Variants in EGF observed in about 807,000 individuals in gnomAD.
EGF encodes the protein epidermal growth factor, also known as pro-epidermal growth factor.
In EGF, 95 loss-of-function variants were observed where a neutral mutation model predicts 143.8. That is an observed-to-expected ratio of 0.66 (90% CI 0.56 to 0.78). The LOEUF (loss-of-function observed/expected upper bound fraction) is 0.78, where lower values mean the gene tolerates loss of function less well. Among genes scored for constraint, EGF ranks in the 30% least tolerant of loss-of-function variants. EGF has a pLI of 0.00. For missense variants in EGF, 1,320 were observed against 1,470.9 expected, an observed-to-expected ratio of 0.90 and a Z score of 1.68; for synonymous variants, 510 against 510.5, an observed-to-expected ratio of 1.00 and a Z score of 0.01.
At chr4:109,934,782 C>T (rs559011390) in intron 1 of EGF, among the ~76,000 whole-genome samples, 2 of 152,252 alleles carry the variant, frequency 1.3e-5, no homozygotes, top group South Asian at 2.1e-4. Flanking sequence ...CTCCATATGT[C>T]TAGCCAGTTT....
At chr4:109,997,225 C>T (rs991115887) in intron 20 of EGF, among the ~76,000 whole-genome samples, 2 of 151,982 alleles carry the variant, frequency 1.3e-5, no homozygotes, top group Non-Finnish European at 2.9e-5. Context: ...TTAATTGATC[C>T]GGGTGGTGTC....
rs1254870406 is a variant in EGF at position 109,943,767 on chromosome 4, T to C, written c.510-75T>C. On this transcript the variant is annotated intron_variant, in intron 3 of 23. Coordinates refer to ENST00000265171, the MANE Select transcript of EGF (RefSeq NM_001963.6). ...CAAACTTGCCCTGTGAAGGAGCTGC[T>C]GAAACATTGAGAGAGTTGGCCATTT... is the stretch of plus-strand genomic sequence containing the variant. 5.4e-6 allele frequency: 7 copies of C among 1,293,976 alleles called. No homozygotes were observed. The East Asian group carries it at 7.0e-5, about 13-fold the overall frequency. The allele number at this position is 1,293,976 out of a possible 1,614,324, so 80.2% of individuals were successfully genotyped here. A position where few individuals can be genotyped will look rare whatever the true frequency, so the allele number is the denominator to read the frequency against.
At chr4:109,918,774 C>A (rs1490743647) in intron 1 of EGF, among the ~76,000 whole-genome samples, 2 of 152,178 alleles carry the variant, frequency 1.3e-5, no homozygotes, top group East Asian at 3.8e-4. Flanking sequence ...AGGGTTGGGG[C>A]AAGGGCAGGG....
At chr4:109,978,849 CAATGAT>C (rs1362008441) in intron 13 of EGF, among the ~76,000 whole-genome samples, 1 of 152,188 alleles carries the variant, frequency 6.6e-6, no homozygotes, top group Non-Finnish European at 1.5e-5. Flanking sequence ...CCCTGATCAA[CAATGAT>C]AAGTGGAGAC....
chr4:109,980,824 A>C lies in EGF; in HGVS notation c.2222-2A>C, dbSNP rs952144495. On this transcript the variant is annotated splice_acceptor_variant, in intron 14 of 23. Coordinates refer to ENST00000265171, the MANE Select transcript of EGF (RefSeq NM_001963.6). LOFTEE classifies it high-confidence loss of function. The stretch of plus-strand genomic sequence containing the variant: ...TGTGAATTTGTTTCTTTTCTCTACT[A>C]GGAGCAGATCCCTGCTTATATCAAA... 4 of 1,614,014 alleles carry C rather than the reference A, an allele frequency of 2.5e-6. No homozygotes were observed. The highest frequency in any genetic ancestry group is 3.4e-6 in the Non-Finnish European group (4 of 1,179,914).
Position 109,945,177 on chromosome 4 carries a change from T to C in EGF, c.842T>C (p.Val281Ala), listed in dbSNP as rs768730588. The C allele has an allele frequency of 1.9e-6, 3 of 1,613,912 alleles. No individual in the cohort carries two copies. The highest frequency in any genetic ancestry group is 2.7e-5 in the African/African-American group (2 of 74,872). ...AACAAACACACTGGAAAGGACATGG[T>C]TAGAATTAACCTCCATTCATCATTT... is the stretch of plus-strand genomic sequence containing the variant. ...IANKHTGKDMVRINLHSSFVP... is the reference protein window; with the variant it reads ...IANKHTGKDMARINLHSSFVP... Residue 281 changes from valine to alanine, a missense_variant, in exon 5 of 24, where the codon GTT becomes GCT. By Grantham distance (64) the Val-to-Ala change is moderately conservative (BLOSUM62 0). This residue lies in a region of EGF where 1,186 missense variants were observed against 1,313.7 expected (regional missense o/e 0.90). Coordinates refer to ENST00000265171, the MANE Select transcript of EGF (RefSeq NM_001963.6).
chr4:110,000,811 T>C (rs1473175878), intron 21 of EGF, among the ~76,000 whole-genome samples: 2 of 152,328 alleles, frequency 1.3e-5, no homozygotes, highest in East Asian at 3.9e-4. Flanking sequence ...GTCATAAAAC[T>C]TTAGGGCTGA....
At chr4:109,924,999 G>C (rs1040559849) in intron 1 of EGF, among the ~76,000 whole-genome samples, 9 of 152,116 alleles carry the variant, frequency 5.9e-5, no homozygotes, top group African/African-American at 2.2e-4. Flanking sequence ...TGAGTATCCA[G>C]GATCTGAAAA....
chr4:110,005,166 C>T (rs1753107245), intron 22 of EGF, among the ~76,000 whole-genome samples: 1 of 151,126 alleles, frequency 6.6e-6, no homozygotes, highest in Non-Finnish European at 1.5e-5. Context: ...CCAGCTCAGC[C>T]TCCCAAATAG....
chr4:109,928,768 T>C (rs1245447362), intron 1 of EGF, among the ~76,000 whole-genome samples: 1 of 152,156 alleles, frequency 6.6e-6, no homozygotes, highest in Non-Finnish European at 1.5e-5. Flanking sequence ...AAAAGTCTGT[T>C]TTGTCAATCT....
intron 5 of EGF, among the ~76,000 whole-genome samples, chr4:109,946,204 G>T (rs1742839932): frequency 1.3e-5 from 2 of 151,912 alleles, no homozygotes; most frequent in Admixed American, 1.3e-4. Flanking sequence ...GTTTTGTTTG[G>T]CCTACTATAG....
intron 22 of EGF, among the ~76,000 whole-genome samples, chr4:110,007,504 T>G (rs1416759729): frequency 2.0e-4 from 31 of 152,244 alleles, no homozygotes; most frequent in Non-Finnish European, 1.0e-4. Context: ...TGTGAGCCAG[T>G]GAACTCTGGT....
At chr4:109,944,190 A>C (rs956778556) in intron 4 of EGF, 121 bp downstream of exon 4, 2 of 1,189,708 alleles carry the variant, frequency 1.7e-6, no homozygotes, top group African/African-American at 1.5e-5. Flanking sequence ...TGAATCCAAA[A>C]GACTTGAGTT....
At chr4:109,926,479 C>T (rs980713866) in intron 1 of EGF, among the ~76,000 whole-genome samples, 3 of 151,928 alleles carry the variant, frequency 2.0e-5, no homozygotes, top group East Asian at 1.9e-4. Flanking sequence ...CTCAGCCTCC[C>T]GAGTAGCTGG....
At chr4:109,970,592 C>T (rs184250577) in intron 11 of EGF, among the ~76,000 whole-genome samples, 14 of 152,024 alleles carry the variant, frequency 9.2e-5, no homozygotes, top group Non-Finnish European at 1.9e-4. Flanking sequence ...TTTGGGAGGC[C>T]AAGGTGGGCA....
At position 109,963,292 on chromosome 4, in the gene EGF, G is replaced by A; in HGVS notation, c.1432G>A (p.Ala478Thr). 2 of 1,613,898 alleles carry A rather than the reference G, an allele frequency of 1.2e-6. No homozygotes were observed. Among genetic ancestry groups the A allele is most frequent in the Non-Finnish European group, 1.7e-6 (2 of 1,179,916 alleles). The change falls in exon 9 of 24, where the codon GCT becomes ACT. Residue 478 changes from alanine to threonine, a missense_variant. This residue lies in a region of EGF where 1,186 missense variants were observed against 1,313.7 expected (regional missense o/e 0.90). Coordinates refer to ENST00000265171, the MANE Select transcript of EGF (RefSeq NM_001963.6). ...DLQLDEKSCA[A>T]SGPQPFLLFA... ...ACAACTGGATGAAAAAAGCTGTGCA[G>A]CTTCAGGTTAGTGCTGTGGTTGTCT...
At chr4:109,931,002 T>A (rs914911081) in intron 1 of EGF, among the ~76,000 whole-genome samples, 29 of 152,170 alleles carry the variant, frequency 1.9e-4, no homozygotes, top group African/African-American at 6.5e-4. Flanking sequence ...TGTATGTACT[T>A]CCCCCCTTAC....
Position 109,964,539 on chromosome 4 carries a change from T to C in EGF, c.1575+2T>C. 1 of 1,613,670 alleles carries C rather than the reference T, an allele frequency of 6.2e-7. No homozygotes were observed. Among genetic ancestry groups the C allele is most frequent in the Non-Finnish European group, 8.5e-7 (1 of 1,179,694 alleles). Reference sequence around the variant, plus strand: ...GATCATGACCCTGTGGAAAATAAGGTATGGTTTTGTTACTTGAACAGATGT... The same window carrying C: ...GATCATGACCCTGTGGAAAATAAGGCATGGTTTTGTTACTTGAACAGATGT... On this transcript the variant is annotated splice_donor_variant, in intron 10 of 23. Transcript: ENST00000265171. LOFTEE classifies it high-confidence loss of function.
chr4:109,984,870 G>A (rs549607582), intron 16 of EGF, among the ~76,000 whole-genome samples: 1 of 152,288 alleles, frequency 6.6e-6, no homozygotes, highest in African/African-American at 2.4e-5. Context: ...GGAATATAGT[G>A]TGTTTAGCAA....
Sources: gnomAD v4.1 joint callset for allele counts (sites outside exome capture counted in the v4.1 genomes callset) on GRCh38, gnomAD v4.1.1 for gene constraint, gnomAD v4.1.1 regional missense constraint, MANE v1.5 for transcripts, NCBI Gene and HGNC (gene_info 2026-07-23, HGNC 2026-07-21) for gene names.